Variants in ATXN3 observed in about 807,000 individuals in gnomAD.
ATXN3 encodes the protein ataxin-3.
Under a neutral mutation model 58.2 loss-of-function variants are expected in ATXN3, and 28 were observed. The ratio of observed to expected loss-of-function variants is 0.48; its 90% CI spans 0.36 to 0.66. ATXN3 has a LOEUF of 0.66. ATXN3 is among the 30% of genes least tolerant of loss of function. ATXN3 has a pLI of 0.00. For synonymous variants in ATXN3, 113 were observed against 138.5 expected (o/e 0.82, Z 1.29); for missense variants, 321 against 422.1 (o/e 0.76, Z 2.10).
At position 92,088,688 on chromosome 14, in the gene ATXN3, A is replaced by G. The variant is rs576762024; in HGVS notation, c.475+42T>C. 1,137 of 1,351,998 alleles carry G rather than the reference A, an allele frequency of 8.4e-4. 19 individuals carry two copies. The South Asian group carries it at 0.013, about 15-fold the overall frequency. 83.8% of individuals were successfully genotyped at this position (1,351,998 alleles called of 1,614,324 possible). A position where few individuals can be genotyped will look rare whatever the true frequency, so the allele number is the denominator to read the frequency against. On this transcript the variant is annotated intron_variant, in intron 6 of 10. Transcript: ENST00000644486. Reference sequence around the variant, plus strand: ...ATCTAATGTGCCTGGTTATTTAACTACTTCGAAAGGTAACATTACAAAATG... The same window carrying G: ...ATCTAATGTGCCTGGTTATTTAACTGCTTCGAAAGGTAACATTACAAAATG...
intron 6 of ATXN3, among the ~76,000 whole-genome samples, chr14:92,086,069 C>A (rs2062421442): frequency 6.6e-6 from 1 of 151,986 alleles, no homozygotes; most frequent in Admixed American, 6.6e-5. Flanking sequence ...ACAAACCCAG[C>A]AGCAATAAGC....
At chr14:92,053,842 AC>A (rs2057456443), downstream of ATXN3, among the ~76,000 whole-genome samples, 1 of 151,918 alleles carries the variant, frequency 6.6e-6, no homozygotes, top group Admixed American at 6.6e-5. Context: ...GAGCACCAAC[AC>A]AGCCATATTA....
intron 3 of ATXN3, 78 bp downstream of exon 3, chr14:92,096,015 G>C (rs2141126910): frequency 8.5e-7 from 1 of 1,178,890 alleles, no homozygotes; most frequent in East Asian, 2.3e-5. Flanking sequence ...AGGTCGCCTT[G>C]TTACAGTGAC....
chr14:92,052,487 C>T (rs1209522618), upstream of ATXN3, among the ~76,000 whole-genome samples: 1 of 149,850 alleles, frequency 6.7e-6, no homozygotes, highest in African/African-American at 2.5e-5. Flanking sequence ...GAAACTCCAT[C>T]TCAAAGAAAA....
chr14:92,072,755 TA>T (rs11416778), intron 9 of ATXN3, among the ~76,000 whole-genome samples: 1,739 of 143,784 alleles, frequency 0.012, 37 homozygotes, highest in African/African-American at 0.04. Flanking sequence ...ATCAAGTGTT[TA>T]AAAAAAAAAG....
chr14:92,106,340 G>T (rs1387381818), intron 1 of ATXN3, among the ~76,000 whole-genome samples, 189 bp downstream of exon 1: 3 of 151,966 alleles, frequency 2.0e-5, no homozygotes, highest in Middle Eastern at 3.4e-3. Flanking sequence ...GGCCGCGGGG[G>T]AAGTAGGGGC....
In ATXN3 at chr14:92,083,215, T is replaced by G; in HGVS notation, c.519A>C (p.Glu173Asp). The change falls in exon 7 of 11, where the codon GAA (glutamate) becomes GAC (aspartate). Residue 173 changes from glutamate (E) to aspartate (D), a missense_variant. Transcript: ENST00000644486. ...TAATCATCTGCAGGAGTTGGTCAGC[T>G]TCGCAATCTGGCAGATCACCCTTAA... Reference protein sequence around the residue: ...FVVKGDLPDCEADQLLQMIRV... With the variant: ...FVVKGDLPDCDADQLLQMIRV... 6.2e-7 allele frequency: 1 copy of G among 1,613,804 alleles called. No individual in the cohort carries two copies. The highest frequency in any genetic ancestry group is 8.5e-7 in the Non-Finnish European group (1 of 1,179,946).
intron 5 of ATXN3, among the ~76,000 whole-genome samples, chr14:92,090,006 A>G (rs2063430369): frequency 6.6e-6 from 1 of 151,924 alleles, no homozygotes; most frequent in Non-Finnish European, 1.5e-5. Context: ...CTAAGGTGGG[A>G]GGATTGCTTG....
At chr14:92,080,853 T>C (rs1280161380) in intron 9 of ATXN3, 112 bp downstream of exon 9, 1 of 976,698 alleles carries the variant, frequency 1.0e-6, no homozygotes, top group Non-Finnish European at 1.6e-6. Flanking sequence ...TGTAAATTTT[T>C]AAAAAATACA....
At chr14:92,088,335 G>A (rs1214405626) in intron 6 of ATXN3, among the ~76,000 whole-genome samples, 3 of 152,196 alleles carry the variant, frequency 2.0e-5, no homozygotes, top group Non-Finnish European at 4.4e-5. Flanking sequence ...CTCCCAAAGT[G>A]CTGGGATTAC....
At chr14:92,097,405 T>A (rs760473424) in intron 1 of ATXN3, among the ~76,000 whole-genome samples, 2 of 151,572 alleles carry the variant, frequency 1.3e-5, no homozygotes, top group Non-Finnish European at 2.9e-5. Flanking sequence ...TTTTTGTATT[T>A]TTAGTATATA....
Position 92,096,151 on chromosome 14 carries a change from C to T in ATXN3, c.190-14G>A, listed in dbSNP as rs1176647958. 7.2e-7 allele frequency: 1 copy of T among 1,387,196 alleles called. No homozygotes were observed. The highest frequency in any genetic ancestry group is 1.2e-5 in the South Asian group (1 of 86,388). The allele number at this position is 1,387,196 out of a possible 1,614,324, so 85.9% of individuals were successfully genotyped here. On this transcript the variant is annotated splice_polypyrimidine_tract_variant and intron_variant, in intron 2 of 10. Transcript: ENST00000644486. ...TCCAGAAGGCTGCTGTTAATTTTGA[C>T]AGGTAGTTGAAGCAAGGGTGGGGGT...
At chr14:92,105,914 C>T (rs1184083027) in intron 1 of ATXN3, among the ~76,000 whole-genome samples, 1 of 152,186 alleles carries the variant, frequency 6.6e-6, no homozygotes, top group Non-Finnish European at 1.5e-5. Context: ...GTGACGACTT[C>T]CCTGTTTAGG....
chr14:92,074,012 CAA>C (rs554711538), intron 9 of ATXN3, among the ~76,000 whole-genome samples: 853 of 74,752 alleles, frequency 0.011, 8 homozygotes, highest in African/African-American at 0.038. Flanking sequence ...GACTCCACCT[CAA>C]AAAAAAAAAA....
chr14:92,050,614 G>A (rs2057444696), upstream of ATXN3: 1 of 152,300 alleles, frequency 6.6e-6, no homozygotes, highest in Non-Finnish European at 1.5e-5. Flanking sequence ...CTCAAGCAGT[G>A]GGATCATCAA....
At position 92,062,457 on chromosome 14, in the gene ATXN3, A is replaced by G. The variant is rs1374541033; in HGVS notation, c.*1863T>C. On this transcript the variant is annotated 3_prime_UTR_variant, in exon 11 of 11. Coordinates refer to ENST00000644486, the MANE Select transcript of ATXN3 (RefSeq NM_004993.6). ...ATGAAAAGTTTAATGTAACTTTTCA[A>G]TGGAAAAAGGTAATGAACAAATATC... 2 of 152,336 alleles carry G rather than the reference A, an allele frequency of 1.3e-5. No individual in the cohort carries two copies. The highest frequency in any genetic ancestry group is 4.8e-5 in the African/African-American group (2 of 41,578). The allele number at this position is 152,336 out of a possible 1,614,324, so 9.4% of individuals were successfully genotyped here. A position where few individuals can be genotyped will look rare whatever the true frequency, so the allele number is the denominator to read the frequency against.
At position 92,067,460 on chromosome 14, in the gene ATXN3, G is replaced by A. The variant is rs548231381; in HGVS notation, c.992-3046C>T. On this transcript the variant is annotated intron_variant, in intron 10 of 10. Coordinates refer to ENST00000644486, the MANE Select transcript of ATXN3 (RefSeq NM_004993.6). The stretch of plus-strand genomic sequence containing the variant: ...TGCCCAGGCTGCAGTACACTAGTGC[G>A]ATCTTGGATCACTGCAACCTCCGTC... Among the ~76,000 whole-genome samples, 12 of 152,258 alleles carry A rather than the reference G, an allele frequency of 7.9e-5. No individual in the cohort carries two copies. The South Asian group carries it at 2.3e-3, about 29-fold the overall frequency.
intron 1 of ATXN3, among the ~76,000 whole-genome samples, chr14:92,100,641 T>G (rs56315305): frequency 6.6e-6 from 1 of 152,252 alleles, no homozygotes; most frequent in African/African-American, 2.4e-5. Context: ...CACTGTACAC[T>G]TCCAGTCACA....
chr14:92,099,694 C>A (rs1197180416), intron 1 of ATXN3, among the ~76,000 whole-genome samples: 1 of 145,548 alleles, frequency 6.9e-6, no homozygotes, highest in African/African-American at 2.5e-5. Context: ...CATGGTGAAA[C>A]CCCATTTCTA....
Sources: gnomAD v4.1 joint callset for allele counts (sites outside exome capture counted in the v4.1 genomes callset) on GRCh38, gnomAD v4.1.1 for gene constraint, MANE v1.5 for transcripts, NCBI Gene and HGNC (gene_info 2026-07-23, HGNC 2026-07-21) for gene names.